CIC: variants seen among roughly 807,000 people sequenced by gnomAD.
CIC encodes protein capicua homolog.
Under a neutral mutation model 115.7 loss-of-function variants are expected in CIC, and 18 were observed. The observed-to-expected ratio is 0.16, with a 90% CI of 0.11 to 0.23. The LOEUF (loss-of-function observed/expected upper bound fraction) is 0.23. CIC is among the 10% of genes least tolerant of loss of function. The probability of loss-of-function intolerance (pLI) is 1.00; values close to 1 mark genes in which losing one functional copy is unlikely to be tolerated. For synonymous variants in CIC, 1,076 were observed against 923.0 expected (o/e 1.17, Z -3.01); for missense variants, 2,000 against 2,159.3 (o/e 0.93, Z 1.46).
chr19:42,292,753 T>G lies in CIC; in HGVS notation c.6090T>G (p.Thr2030=). 6.2e-7 allele frequency: 1 copy of G among 1,613,610 alleles called. No individual in the cohort carries two copies. The highest frequency in any genetic ancestry group is 8.5e-7 in the Non-Finnish European group (1 of 1,179,890). ...PSQAPPSLVY[T]VATSTTPPAA... The stretch of plus-strand genomic sequence containing the variant: ...AGGCCCCCCCAAGCCTGGTCTACAC[T>G]GTGGCCACCAGCACAACCCCACCTG... The change falls in exon 15 of 21, where the codon ACT becomes ACG. Residue 2030 remains threonine, a synonymous_variant. Transcript: ENST00000681038.
chr19:42,294,885 G>T lies in CIC; in HGVS notation c.7248G>T (p.Leu2416=). The T allele has an allele frequency of 6.2e-7, 1 of 1,600,748 alleles. No homozygotes were observed. Among genetic ancestry groups the T allele is most frequent in the Non-Finnish European group, 8.5e-7 (1 of 1,179,968 alleles). The change falls in exon 21 of 21, where the codon CTG becomes CTT. Residue 2416 remains leucine, a synonymous_variant. Transcript: ENST00000681038. The part of the protein sequence containing the change: ...YADIFPSKVC[L]QLKIREVRQK... ...ACATCTTTCCCTCCAAGGTTTGTCT[G>T]CAGTTGAAGATCCGTGAGGTGCGCC...
chr19:42,290,081 T>G, intron 10 of CIC, 130 bp downstream of exon 10: 1 of 1,395,810 alleles, frequency 7.2e-7, no homozygotes, highest in Admixed American at 1.7e-5. Flanking sequence ...CCGTGGGGAG[T>G]TGGGTCATAG....
At chr19:42,271,500 T>G (rs2036789331) in intron 1 of CIC, among the ~76,000 whole-genome samples, 1 of 152,200 alleles carries the variant, frequency 6.6e-6, no homozygotes, top group African/African-American at 2.4e-5. Flanking sequence ...TGATGTCCCC[T>G]TGGGGCATTC....
intron 12 of CIC, 152 bp downstream of exon 12, chr19:42,291,897 A>C: frequency 7.8e-7 from 1 of 1,285,774 alleles, no homozygotes; most frequent in Non-Finnish European, 1.1e-6. Flanking sequence ...TGACTCTCTC[A>C]AGTCCTCAGT....
At chr19:42,268,873 T>G (rs1460715472), upstream of CIC, among the ~76,000 whole-genome samples, 1 of 152,326 alleles carries the variant, frequency 6.6e-6, no homozygotes, top group South Asian at 2.1e-4. Context: ...CCTCCTTTCA[T>G]TTCATTGGCT....
intron 2 of CIC, among the ~76,000 whole-genome samples, chr19:42,275,251 C>T (rs1178057384): frequency 3.9e-5 from 6 of 152,176 alleles, no homozygotes; most frequent in Admixed American, 3.3e-4. Flanking sequence ...GGTGGCAGGA[C>T]CAGGACTGGA....
chr19:42,282,353 T>C (rs994211168), intron 2 of CIC, among the ~76,000 whole-genome samples: 12 of 152,182 alleles, frequency 7.9e-5, no homozygotes, highest in Non-Finnish European at 1.6e-4. Context: ...CTGTTGACCA[T>C]CCAACCTGTG....
chr19:42,287,418 C>T lies in CIC; in HGVS notation c.3278C>T (p.Ser1093Phe), dbSNP rs587778209. 4.2e-5 allele frequency: 67 copies of T among 1,613,892 alleles called. No individual in the cohort carries two copies. The highest frequency in any genetic ancestry group is 5.3e-5 in the Non-Finnish European group (62 of 1,180,048). The change falls in exon 5 of 21, where the codon TCT becomes TTT. Residue 1093 changes from serine to phenylalanine, a missense_variant. Around this residue, in one of 8 missense-constraint regions of CIC, gnomAD observed 222 missense variants for 247.7 expected, o/e 0.90. Coordinates refer to ENST00000681038, the MANE Select transcript of CIC (RefSeq NM_001386298.1). This position sits in a 1 kb window ranked among gnomAD's most constrained non-coding sequence, Gnocchi z 8.7. ...LSALPKERDS[S>F]SEKDGRSPNK... Reference sequence around the variant, plus strand: ...GCCCTACCCAAGGAACGGGACTCATCTTCTGAGAAGGATGGACGCAGCCCC... The same window carrying T: ...GCCCTACCCAAGGAACGGGACTCATTTTCTGAGAAGGATGGACGCAGCCCC...
In CIC at chr19:42,291,340, C is replaced by G. The variant is rs139895527; in HGVS notation, c.5299C>G (p.Pro1767Ala). The G allele has an allele frequency of 6.2e-7, 1 of 1,612,678 alleles. No individual in the cohort carries two copies. The change falls in exon 11 of 21, where the codon CCC (proline) becomes GCC (alanine). Residue 1767 changes from proline (P) to alanine (A), a missense_variant. This residue lies in a region of CIC where 1,466 missense variants were observed against 1,390.4 expected (regional missense o/e 1.05). Transcript: ENST00000681038. ...TKAAAPSGPA[P>A]TTSIRFTLPP... ...GGCAGCGGCTCCCAGCGGCCCTGCA[C>G]CCACCACCAGCATCCGTTTCACCCT...
intron 9 of CIC, 71 bp downstream of exon 9, chr19:42,289,477 G>A (rs2037914238): frequency 6.7e-7 from 1 of 1,484,184 alleles, no homozygotes; most frequent in Non-Finnish European, 9.2e-7. Flanking sequence ...GGCAGAACTT[G>A]GATCCAGGCC....
chr19:42,292,152 A>T lies in CIC; in HGVS notation c.5680A>T (p.Thr1894Ser), dbSNP rs774791928. 3.3e-5 allele frequency: 54 copies of T among 1,613,472 alleles called. No homozygotes were observed. Among genetic ancestry groups the T allele is most frequent in the Non-Finnish European group, 4.4e-5 (52 of 1,179,934 alleles). ...CCTGGTGCCGCCCCTGAGCCCAGCC[A>T]CACTCCCTGGACCCACCTCTCAGCC... ...SGLVPPLSPA[T>S]LPGPTSQPQK... Residue 1894 changes from threonine to serine, a missense_variant, in exon 13 of 21, where the codon ACA becomes TCA. By Grantham distance (58) the Thr-to-Ser change is moderately conservative. Around this residue, in one of 8 missense-constraint regions of CIC, gnomAD observed 1,466 missense variants for 1,390.4 expected, o/e 1.05. Transcript: ENST00000681038.
At position 42,287,201 on chromosome 19, in the gene CIC, C is replaced by T. The variant is rs1449924659; in HGVS notation, c.3140C>T (p.Pro1047Leu). 1 of 1,613,648 alleles carries T rather than the reference C, an allele frequency of 6.2e-7. No homozygotes were observed. The highest frequency in any genetic ancestry group is 1.7e-5 in the Admixed American group (1 of 60,004). Residue 1047 changes from proline to leucine, a missense_variant, in exon 4 of 21, where the codon CCC becomes CTC. Pro to Leu is a moderately conservative substitution (Grantham distance 98). Transcript: ENST00000681038. The surrounding 1 kb of genome is among the most constrained non-coding windows in gnomAD (Gnocchi z 8.7). ...EEEASGPPGE[P>L]RLDSETESDH... ...GAGGCCTCCGGCCCCCCAGGAGAGC[C>T]CCGGCTGGACAGTGAGACAGAGAGT...
chr19:42,294,161 C>T lies in CIC; in HGVS notation c.6923-12C>T, dbSNP rs2038353589. On this transcript the variant is annotated splice_polypyrimidine_tract_variant and intron_variant, in intron 18 of 20. Transcript: ENST00000681038. ...GGGGCCACCTGCACTGAGTCTGCTT[C>T]TGTTTGGCCAGACCTGGATTCAGCA... 1.2e-6 allele frequency: 2 copies of T among 1,613,930 alleles called. No individual in the cohort carries two copies. The highest frequency in any genetic ancestry group is 1.7e-6 in the Non-Finnish European group (2 of 1,180,014).
chr19:42,287,499 GTC>G lies in CIC; in HGVS notation c.3310-44_3310-43del, dbSNP rs757154610. 6.3e-5 allele frequency: 101 copies of G among 1,612,146 alleles called. No individual in the cohort carries two copies. Among genetic ancestry groups the G allele is most frequent in the Non-Finnish European group, 8.0e-5 (94 of 1,180,028 alleles). On this transcript the variant is annotated intron_variant, in intron 5 of 20. Transcript: ENST00000681038. This position sits in a 1 kb window ranked among gnomAD's most constrained non-coding sequence, Gnocchi z 8.7. ...GCTCACCCCGTGGCCACCCACACCT[GTC>G]TGCCAGGTCCTAACTGTCCCGCTCT...
chr19:42,293,352 C>T, intron 16 of CIC, 71 bp downstream of exon 16: 4 of 1,464,198 alleles, frequency 2.7e-6, no homozygotes, highest in Non-Finnish European at 2.8e-6. Context: ...CTTTGCTTTT[C>T]TGTCCTACTC....
rs1456300070 is a variant in CIC, at chr19:42,284,576, G to T, written c.2795-2195G>T. On this transcript the variant is annotated intron_variant, in intron 2 of 20. Transcript: ENST00000681038. Reference sequence around the variant, plus strand: ...GGCCGGAGGGGGGCGGCGGGGGGGGGGGCATGCGGCGACGGCCTCCCGCTC... The same window carrying T: ...GGCCGGAGGGGGGCGGCGGGGGGGGTGGCATGCGGCGACGGCCTCCCGCTC... The T allele has an allele frequency of 2.4e-5, 8 of 337,700 alleles. No homozygotes were observed. In the East Asian group the frequency reaches 2.5e-4, roughly 11 times the overall value. 20.9% of individuals were successfully genotyped at this position (337,700 alleles called of 1,614,324 possible).
At position 42,295,739 on chromosome 19, in the gene CIC, CAAT is replaced by C. The variant is rs2038466238; in HGVS notation, c.*550_*552del. ...CAGAACAAAACATGTTGATCATGTGCAATATTTCTTACTGTGCCGAGAAGCCGC... is the reference window on the plus strand; with the variant it reads ...CAGAACAAAACATGTTGATCATGTGCATTTCTTACTGTGCCGAGAAGCCGC... On this transcript the variant is annotated 3_prime_UTR_variant, in exon 21 of 21. Coordinates refer to ENST00000681038, the MANE Select transcript of CIC (RefSeq NM_001386298.1). 1 of 222,794 alleles carries C rather than the reference CAAT, an allele frequency of 4.5e-6. No individual in the cohort carries two copies. Among genetic ancestry groups the C allele is most frequent in the African/African-American group, 2.2e-5 (1 of 44,586 alleles). The allele number at this position is 222,794 out of a possible 1,614,324, so 13.8% of individuals were successfully genotyped here.
chr19:42,289,532 G>A, intron 9 of CIC, 126 bp downstream of exon 9: 1 of 1,135,922 alleles, frequency 8.8e-7, no homozygotes, highest in Non-Finnish European at 1.3e-6. Flanking sequence ...ATGGTTGCAT[G>A]TGGCCAGTTC....
rs1371443207 is a variant in CIC, at chr19:42,290,535, G to T, written c.4494G>T (p.Arg1498=). The part of the protein sequence containing the change: ...GGPATPSKAT[R]FLPMDPATFR... ...CAGCGACACCTTCCAAGGCAACCCG[G>T]TTCCTCCCAATGGATCCTGCCACCT... Residue 1498 remains arginine, a synonymous_variant, in exon 11 of 21, where the codon CGG becomes CGT. Transcript: ENST00000681038. The T allele has an allele frequency of 1.9e-6, 3 of 1,613,300 alleles. No individual in the cohort carries two copies. The highest frequency in any genetic ancestry group is 2.2e-5 in the East Asian group (1 of 44,862).
Sources: gnomAD v4.1 joint callset for allele counts (sites outside exome capture counted in the v4.1 genomes callset) on GRCh38, gnomAD v4.1.1 for gene constraint, gnomAD v4.1.1 regional missense constraint, Gnocchi (gnomAD v3.1) non-coding constraint, MANE v1.5 for transcripts, NCBI Gene and HGNC (gene_info 2026-07-23, HGNC 2026-07-21) for gene names.